Variants in MTPAP observed in about 807,000 individuals in gnomAD.
MTPAP encodes the protein poly(A) RNA polymerase, mitochondrial.
MTPAP carries 23 observed loss-of-function variants against 48.7 expected under a neutral mutation model. That is an observed-to-expected ratio of 0.47 (90% CI 0.34 to 0.67). The LOEUF (loss-of-function observed/expected upper bound fraction) is 0.67. MTPAP is among the 30% of genes least tolerant of loss of function. MTPAP has a pLI of 0.01. For synonymous variants in MTPAP, 257 were observed against 254.1 expected (o/e 1.01, Z -0.11); for missense variants, 614 against 694.3 (o/e 0.88, Z 1.30).
At chr10:30,347,682 G>A (rs1240431534) in intron 1 of MTPAP, among the ~76,000 whole-genome samples, 1 of 152,204 alleles carries the variant, frequency 6.6e-6, no homozygotes, top group Non-Finnish European at 1.5e-5. Flanking sequence ...ACCTGAGTCT[G>A]GAGTTCAAGA....
Position 30,322,845 on chromosome 10 carries a change from T to G in MTPAP, c.993-228A>C, listed in dbSNP as rs2480295. 0.22 allele frequency among the ~76,000 whole-genome samples: 33,103 copies of G among 152,006 alleles called. 3,997 individuals are homozygous for G. The highest frequency in any genetic ancestry group is 0.28 in the East Asian group (1,451 of 5,162). On this transcript the variant is annotated intron_variant, in intron 5 of 8. Transcript: ENST00000263063. ...TAAAACATCCTCTTAAAATTGATAA[T>G]TAAAATGTAAGCCGGGCTCGGTGGC...
At chr10:30,331,058 GA>G (rs1834660223) in intron 4 of MTPAP, among the ~76,000 whole-genome samples, 1 of 152,128 alleles carries the variant, frequency 6.6e-6, no homozygotes, top group Admixed American at 6.6e-5. Context: ...TGCAAGCCAC[GA>G]AGAATCACAA....
rs768265971 is a variant in MTPAP, at chr10:30,313,803, T to A, written c.1555A>T (p.Ile519Leu). ...LQQEDTDRPS[I>L]SSNRPWGLVS... ...AGCCCCCAGGGCCGATTACTTGATA[T>A]GGAAGGTCGATCTGTATCTTCCTGT... The change falls in exon 9 of 9, where the codon ATA becomes TTA. Residue 519 changes from isoleucine to leucine, a missense_variant. Physicochemically the swap from Ile to Leu is conservative, Grantham distance 5. Transcript: ENST00000263063. The A allele has an allele frequency of 6.2e-7, 1 of 1,614,198 alleles. No individual in the cohort carries two copies. Among genetic ancestry groups the A allele is most frequent in the Non-Finnish European group, 8.5e-7 (1 of 1,179,998 alleles).
Position 30,341,653 on chromosome 10 carries a change from CA to C in MTPAP, c.158-14del. On this transcript the variant is annotated splice_polypyrimidine_tract_variant and intron_variant, in intron 1 of 8. Coordinates refer to ENST00000263063, the MANE Select transcript of MTPAP (RefSeq NM_018109.4). ...TTGTCTTCAAAGCCTATGAACGAGA[CA>C]AAAACATTTCCACCACACGCACACA... The C allele has an allele frequency of 6.2e-7, 1 of 1,613,542 alleles. No homozygotes were observed. Among genetic ancestry groups the C allele is most frequent in the Non-Finnish European group, 8.5e-7 (1 of 1,179,942 alleles).
At chr10:30,320,062 G>C (rs1285968287) in intron 6 of MTPAP, among the ~76,000 whole-genome samples, 1 of 152,196 alleles carries the variant, frequency 6.6e-6, no homozygotes, top group Non-Finnish European at 1.5e-5. Context: ...TTTGAGACCA[G>C]CCTGGGCAAT....
At chr10:30,327,499 AAAATAAATAAATAAATAAATAAATAAAT>A (rs55642261) in intron 4 of MTPAP, among the ~76,000 whole-genome samples, 5 of 138,898 alleles carry the variant, frequency 3.6e-5, no homozygotes, top group Admixed American at 7.5e-5. Context: ...ACTCCATTTC[AAAATAAATAAATAAATAAATAAATAAAT>A]AAATAAATAA....
At chr10:30,316,749 G>C (rs1476425866) in intron 6 of MTPAP, among the ~76,000 whole-genome samples, 1 of 151,828 alleles carries the variant, frequency 6.6e-6, no homozygotes, top group Non-Finnish European at 1.5e-5. Flanking sequence ...AATTAGCCAG[G>C]CATGGTGGCT....
Position 30,311,331 on chromosome 10 carries a change from TGA to T in MTPAP, c.*2276_*2277del, listed in dbSNP as rs1840590300. The T allele has an allele frequency of 6.6e-6, 1 of 152,198 alleles. No individual in the cohort carries two copies. Among genetic ancestry groups the T allele is most frequent in the Non-Finnish European group, 1.5e-5 (1 of 68,034 alleles). The allele number at this position is 152,198 out of a possible 1,614,324, so 9.4% of individuals were successfully genotyped here. On this transcript the variant is annotated 3_prime_UTR_variant, in exon 9 of 9. Coordinates refer to ENST00000263063, the MANE Select transcript of MTPAP (RefSeq NM_018109.4). The stretch of plus-strand genomic sequence containing the variant: ...GAATTCATTTGCTTCATAACAATGC[TGA>T]GTTTCTTAAAATATCCCATGCAGAA...
At chr10:30,324,968 G>A (rs1012211032) in intron 5 of MTPAP, among the ~76,000 whole-genome samples, 13 of 149,982 alleles carry the variant, frequency 8.7e-5, no homozygotes, top group Non-Finnish European at 1.5e-4. Flanking sequence ...TCTAGCCTAC[G>A]CGACAGAGCA....
intron 5 of MTPAP, among the ~76,000 whole-genome samples, chr10:30,324,569 A>G (rs1834557809): frequency 6.6e-6 from 1 of 152,092 alleles, no homozygotes; most frequent in Non-Finnish European, 1.5e-5. Context: ...AAGTAAAAAT[A>G]GAATTAAATT....
intron 6 of MTPAP, among the ~76,000 whole-genome samples, chr10:30,318,434 CT>C (rs1486252747): frequency 1.3e-5 from 2 of 152,164 alleles, no homozygotes; most frequent in African/African-American, 4.8e-5. Flanking sequence ...ACATGTTTTA[CT>C]ATTTCAAGTA....
intron 6 of MTPAP, among the ~76,000 whole-genome samples, chr10:30,320,446 C>T (rs114478045): frequency 0.025 from 3,791 of 151,980 alleles, 143 homozygotes; most frequent in African/African-American, 0.086. Context: ...TACGTGAGCC[C>T]GGGAGGTCGA....
In MTPAP at chr10:30,323,077, T is replaced by A. The variant is rs183341813; in HGVS notation, c.993-460A>T. On this transcript the variant is annotated intron_variant, in intron 5 of 8. Transcript: ENST00000263063. Reference sequence around the variant, plus strand: ...CCGGGAGGCAGAGGTTGCAGTGAGCTGAGACCATACCAGTGTACTCCAGTC... The same window carrying A: ...CCGGGAGGCAGAGGTTGCAGTGAGCAGAGACCATACCAGTGTACTCCAGTC... Among the ~76,000 whole-genome samples, 802 of 123,360 alleles carry A rather than the reference T, an allele frequency of 6.5e-3. 2 individuals are homozygous for A. The highest frequency in any genetic ancestry group is 0.024 in the African/African-American group (749 of 31,644). 80.9% of individuals were successfully genotyped at this position (123,360 alleles called of 152,430 possible).
intron 1 of MTPAP, 142 bp downstream of exon 1, chr10:30,348,977 C>A: frequency 4.0e-6 from 5 of 1,254,624 alleles, no homozygotes; most frequent in Non-Finnish European, 5.6e-6. Context: ...CTACAGAGAT[C>A]AGAGGAGAGG....
At chr10:30,333,909 T>A (rs563737245) in intron 4 of MTPAP, among the ~76,000 whole-genome samples, 1 of 152,008 alleles carries the variant, frequency 6.6e-6, no homozygotes, top group East Asian at 1.9e-4. Flanking sequence ...CTCAAAATAG[T>A]AATAATAATA....
chr10:30,317,818 T>A (rs968415728), intron 6 of MTPAP, among the ~76,000 whole-genome samples: 1 of 152,170 alleles, frequency 6.6e-6, no homozygotes, highest in Admixed American at 6.6e-5. Context: ...ATCTAGCATA[T>A]AGCAGGTATA....
intron 4 of MTPAP, among the ~76,000 whole-genome samples, chr10:30,335,909 T>A (rs1394030245): frequency 6.6e-6 from 1 of 152,070 alleles, no homozygotes; most frequent in Non-Finnish European, 1.5e-5. Context: ...CTCAGGAGGC[T>A]GAGGCAGGAG....
In MTPAP at chr10:30,324,841, A is replaced by G. The variant is rs1047064285; in HGVS notation, c.992+1583T>C. ...ACATGATGAAACCCTGTCTCTACAA[A>G]AATTAGCCAGCATGATCACATGTGC... On this transcript the variant is annotated intron_variant, in intron 5 of 8. Transcript: ENST00000263063. Among the ~76,000 whole-genome samples, 10 of 152,124 alleles carry G rather than the reference A, an allele frequency of 6.6e-5. No individual in the cohort carries two copies. In the South Asian group the frequency reaches 8.3e-4, roughly 13 times the overall value.
chr10:30,348,852 C>T (rs1354235317), intron 1 of MTPAP: 49 of 520,984 alleles, frequency 9.4e-5, no homozygotes, highest in Non-Finnish European at 1.5e-4. Flanking sequence ...AACTGGGTTC[C>T]TGACCTGAAT....
Sources: allele counts gnomAD v4.1 joint callset (sites outside exome capture counted in the v4.1 genomes callset), GRCh38; gene constraint gnomAD v4.1.1; transcripts MANE v1.5; gene names NCBI Gene and HGNC (gene_info 2026-07-23, HGNC 2026-07-21).